KIF26B: variants seen among roughly 807,000 people sequenced by gnomAD.
KIF26B encodes the protein kinesin family member 26B.
Under a neutral mutation model 151.2 loss-of-function variants are expected in KIF26B, and 63 were observed. That is an observed-to-expected ratio of 0.42 (90% confidence interval 0.34 to 0.51). The LOEUF (loss-of-function observed/expected upper bound fraction) is 0.51. Among genes scored for constraint, KIF26B ranks in the 20% least tolerant of loss-of-function variants. KIF26B has a pLI of 0.07. For synonymous variants in KIF26B, 1,357 were observed against 1,262.1 expected (o/e 1.08, Z -1.59); for missense variants, 2,813 against 2,913.6 (o/e 0.97, Z 0.79).
rs1051847639 is a variant in KIF26B at position 245,667,701 on chromosome 1, C to T, written c.2259-16532C>T. Among the ~76,000 whole-genome samples the T allele has an allele frequency of 6.6e-6, 1 of 152,172 alleles. No homozygotes were observed. The highest frequency in any genetic ancestry group is 1.5e-5 in the Non-Finnish European group (1 of 68,022). On this transcript the variant is annotated intron_variant, in intron 10 of 14. Transcript: ENST00000407071. The surrounding 1 kb of genome is among the most constrained non-coding windows in gnomAD (Gnocchi z 4.3). ...GCATCTGCCCATCCTACGCAGTTCT[C>T]CAGGAAGGAGGTGGCAGGAGTGACA... is the stretch of plus-strand genomic sequence containing the variant.
chr1:245,657,798 C>T (rs186800024), intron 10 of KIF26B, among the ~76,000 whole-genome samples: 1 of 152,296 alleles, frequency 6.6e-6, no homozygotes, highest in African/African-American at 2.4e-5. Context: ...GCTCCTCCTC[C>T]ATTTGTGAGA....
chr1:245,350,049 A>AT (rs1179060968), intron 2 of KIF26B, among the ~76,000 whole-genome samples: 2 of 150,120 alleles, frequency 1.3e-5, no homozygotes, highest in African/African-American at 5.0e-5. Flanking sequence ...ATATATATAT[A>AT]TATTTTTTTT....
At chr1:245,389,168 C>T (rs894525627) in intron 3 of KIF26B, among the ~76,000 whole-genome samples, 2 of 152,116 alleles carry the variant, frequency 1.3e-5, no homozygotes, top group South Asian at 4.1e-4. Context: ...GGCTGGAGTG[C>T]GATGGCATGG....
chr1:245,540,627 A>T lies in KIF26B; in HGVS notation c.1167-140A>T, dbSNP rs1031701196. 4 of 806,168 alleles carry T rather than the reference A, an allele frequency of 5.0e-6. No individual in the cohort carries two copies. The African/African-American group carries it at 5.0e-5, about 10-fold the overall frequency. The allele number at this position is 806,168 out of a possible 1,614,324, so 49.9% of individuals were successfully genotyped here. A position where few individuals can be genotyped will look rare whatever the true frequency, so the allele number is the denominator to read the frequency against. Reference sequence around the variant, plus strand: ...CACTCTGTTATAGTAAGGGACTGCTACAGAGGACACTGAGCAGGAGGAGAG... The same window carrying T: ...CACTCTGTTATAGTAAGGGACTGCTTCAGAGGACACTGAGCAGGAGGAGAG... On this transcript the variant is annotated intron_variant, in intron 4 of 14. Coordinates refer to ENST00000407071, the MANE Select transcript of KIF26B (RefSeq NM_018012.4). The surrounding 1 kb of genome is among the most constrained non-coding windows in gnomAD (Gnocchi z 4.6).
At chr1:245,638,372 T>A (rs542563722) in intron 9 of KIF26B, among the ~76,000 whole-genome samples, 1 of 151,998 alleles carries the variant, frequency 6.6e-6, no homozygotes, top group Non-Finnish European at 1.5e-5. Flanking sequence ...GTTCTAAAAG[T>A]TTTTTGGTGG....
At chr1:245,444,918 T>G (rs990810754) in intron 4 of KIF26B, among the ~76,000 whole-genome samples, 1 of 152,154 alleles carries the variant, frequency 6.6e-6, no homozygotes. Context: ...ATATAGCGTA[T>G]AAACCCATAG....
intron 4 of KIF26B, among the ~76,000 whole-genome samples, chr1:245,473,626 C>T (rs1353952252): frequency 6.6e-6 from 1 of 151,866 alleles, no homozygotes; most frequent in African/African-American, 2.4e-5. Context: ...CCACTCAGTG[C>T]CCGCAACTGT....
chr1:245,395,698 T>C (rs1673818570), intron 3 of KIF26B, among the ~76,000 whole-genome samples: 1 of 152,232 alleles, frequency 6.6e-6, no homozygotes, highest in African/African-American at 2.4e-5. Flanking sequence ...GACCTGACTT[T>C]ACTCTTGGGG....
intron 2 of KIF26B, among the ~76,000 whole-genome samples, chr1:245,326,229 T>C (rs1671988530): frequency 6.6e-6 from 1 of 152,206 alleles, no homozygotes; most frequent in African/African-American, 2.4e-5. Context: ...GCAGCCACAG[T>C]TTATCTCCTG....
intron 2 of KIF26B, among the ~76,000 whole-genome samples, chr1:245,325,026 C>G (rs954884237): frequency 6.8e-6 from 1 of 147,732 alleles, no homozygotes; most frequent in Non-Finnish European, 1.5e-5. Flanking sequence ...ACCCAGGAGG[C>G]GGAGCTTGCA....
chr1:245,518,918 C>T (rs890797848), intron 4 of KIF26B, among the ~76,000 whole-genome samples: 1 of 152,160 alleles, frequency 6.6e-6, no homozygotes, highest in Non-Finnish European at 1.5e-5. Flanking sequence ...CACACTCACT[C>T]CCGGATCCCT....
chr1:245,197,989 C>A (rs1290479966), intron 2 of KIF26B, among the ~76,000 whole-genome samples: 1 of 152,170 alleles, frequency 6.6e-6, no homozygotes, highest in Non-Finnish European at 1.5e-5. Flanking sequence ...ATGACTTTAG[C>A]CAAGCTGAGG....
chr1:245,258,278 C>T (rs1371839505), intron 2 of KIF26B, among the ~76,000 whole-genome samples: 1 of 152,230 alleles, frequency 6.6e-6, no homozygotes, highest in African/African-American at 2.4e-5. Context: ...TGCTGTCCAT[C>T]CCACTGAAAG....
Position 245,698,028 on chromosome 1 carries a change from C to A in KIF26B, c.5825-78C>A. The stretch of plus-strand genomic sequence containing the variant: ...CTGCACTCCAGCCTGGGCAACAGAG[C>A]AAGACCCTGTCTCAAAAAAACAACA... On this transcript the variant is annotated intron_variant, in intron 12 of 14. Transcript: ENST00000407071. This position sits in a 1 kb window ranked among gnomAD's most constrained non-coding sequence, Gnocchi z 4.0. 3.0e-6 allele frequency: 4 copies of A among 1,352,744 alleles called. No individual in the cohort carries two copies. The highest frequency in any genetic ancestry group is 4.1e-6 in the Non-Finnish European group (4 of 986,558). 83.8% of individuals were successfully genotyped at this position (1,352,744 alleles called of 1,614,324 possible). A position where few individuals can be genotyped will look rare whatever the true frequency, so the allele number is the denominator to read the frequency against.
intron 2 of KIF26B, among the ~76,000 whole-genome samples, chr1:245,185,917 C>T (rs535793845): frequency 2.6e-5 from 4 of 152,032 alleles, no homozygotes; most frequent in African/African-American, 9.7e-5. Context: ...CTCTGTCGCC[C>T]AAGCTGGAGT....
At position 245,348,718 on chromosome 1, in the gene KIF26B, C is replaced by T. The variant is rs530725794; in HGVS notation, c.466-18116C>T. 7.0e-4 allele frequency among the ~76,000 whole-genome samples: 106 copies of T among 152,264 alleles called. 1 individual carries two copies. The highest frequency in any genetic ancestry group is 1.4e-3 in the Non-Finnish European group (94 of 68,024). On this transcript the variant is annotated intron_variant, in intron 2 of 14. Transcript: ENST00000407071. ...GGGCAACACCACGTTCAGTTTACAG[C>T]GGTCTCTCTGGCCTCATGTCCAACC...
intron 9 of KIF26B, among the ~76,000 whole-genome samples, chr1:245,644,615 T>C (rs1449479499): frequency 6.6e-6 from 1 of 152,204 alleles, no homozygotes; most frequent in Non-Finnish European, 1.5e-5. Flanking sequence ...TGGGATCAGG[T>C]CAGTGTTCAG....
At chr1:245,379,803 T>C (rs1270933354) in intron 3 of KIF26B, among the ~76,000 whole-genome samples, 1 of 151,986 alleles carries the variant, frequency 6.6e-6, no homozygotes, top group Non-Finnish European at 1.5e-5. Flanking sequence ...AAACCCCGTC[T>C]CTACTAAAAT....
chr1:245,521,629 C>T (rs1238453957), intron 4 of KIF26B, among the ~76,000 whole-genome samples: 1 of 152,134 alleles, frequency 6.6e-6, no homozygotes, highest in Non-Finnish European at 1.5e-5. Flanking sequence ...GGAAGACATG[C>T]AACAAGGCTT....
Sources: gnomAD v4.1 joint callset for allele counts (sites outside exome capture counted in the v4.1 genomes callset) on GRCh38, gnomAD v4.1.1 for gene constraint, Gnocchi (gnomAD v3.1) non-coding constraint, MANE v1.5 for transcripts, NCBI Gene and HGNC (gene_info 2026-07-23, HGNC 2026-07-21) for gene names.